The following ROBO1 variants were observed in gnomAD, a reference collection of about 807,000 sequenced individuals.
The protein encoded by ROBO1 is roundabout homolog 1.
In ROBO1, 149 loss-of-function variants were observed where a neutral mutation model predicts 195.9. The ratio of observed to expected loss-of-function variants is 0.76; its 90% CI spans 0.67 to 0.87. ROBO1 has a LOEUF of 0.87. Ranked by LOEUF, ROBO1 falls within the 40% of genes least tolerant of loss-of-function variation. ROBO1 has a pLI of 0.00. For missense variants in ROBO1, 1,933 were observed against 2,068.3 expected, an observed-to-expected ratio of 0.93 and a Z score of 1.27; for synonymous variants, 816 against 733.2, an observed-to-expected ratio of 1.11 and a Z score of -1.82.
intron 3 of ROBO1, among the ~76,000 whole-genome samples, chr3:79,033,493 A>T (rs985306661): frequency 3.3e-5 from 5 of 152,184 alleles, no homozygotes; most frequent in African/African-American, 1.2e-4. Flanking sequence ...TTTAATGAAA[A>T]CAAAAGTGAT....
At chr3:79,639,307 C>A (rs963010782) in intron 1 of ROBO1, among the ~76,000 whole-genome samples, 1 of 152,076 alleles carries the variant, frequency 6.6e-6, no homozygotes, top group Non-Finnish European at 1.5e-5. Flanking sequence ...CAAAATATAT[C>A]TTGATACATT....
intron 2 of ROBO1, among the ~76,000 whole-genome samples, chr3:79,424,310 C>A (rs906459565): frequency 6.6e-6 from 1 of 152,210 alleles, no homozygotes; most frequent in African/African-American, 2.4e-5. Flanking sequence ...TAGCTCTACA[C>A]ATAATCAAAC....
chr3:78,938,301 A>T, intron 4 of ROBO1: 1 of 316,274 alleles, frequency 3.2e-6, no homozygotes. Flanking sequence ...CCTATTCAAT[A>T]TCTTTAAAGG....
At chr3:79,661,360 G>A (rs549395134) in intron 1 of ROBO1, among the ~76,000 whole-genome samples, 4 of 152,100 alleles carry the variant, frequency 2.6e-5, no homozygotes, top group African/African-American at 7.2e-5. Context: ...CTGACTCAGG[G>A]TCAGCTTCCG....
At chr3:79,144,791 T>C (rs1239576667) in intron 2 of ROBO1, among the ~76,000 whole-genome samples, 1 of 151,978 alleles carries the variant, frequency 6.6e-6, no homozygotes, top group Non-Finnish European at 1.5e-5. Context: ...AAGCCAAAAA[T>C]AATAATCATT....
intron 2 of ROBO1, among the ~76,000 whole-genome samples, chr3:79,346,319 G>T (rs1368891089): frequency 1.3e-5 from 2 of 152,002 alleles, no homozygotes; most frequent in African/African-American, 2.4e-5. Flanking sequence ...GAACTAAGGG[G>T]CTTTCTAAAT....
chr3:79,176,484 ATCTC>A (rs1410949870), intron 2 of ROBO1, among the ~76,000 whole-genome samples: 2 of 152,068 alleles, frequency 1.3e-5, no homozygotes, highest in South Asian at 2.1e-4. Flanking sequence ...TTGAGATGGA[ATCTC>A]TCTCTGTCAC....
intron 3 of ROBO1, among the ~76,000 whole-genome samples, chr3:78,983,440 C>T (rs2077040727): frequency 6.6e-6 from 1 of 152,322 alleles, no homozygotes; most frequent in East Asian, 1.9e-4. Flanking sequence ...CCCTCGAAGA[C>T]GTTTAAAGAA....
chr3:78,936,976 G>A (rs577617740), intron 4 of ROBO1, among the ~76,000 whole-genome samples: 4 of 152,230 alleles, frequency 2.6e-5, no homozygotes, highest in Admixed American at 1.3e-4. Flanking sequence ...TAAGTTCATT[G>A]TTAGTTAACT....
intron 1 of ROBO1, among the ~76,000 whole-genome samples, chr3:79,681,857 CAG>C (rs993432636): frequency 5.3e-4 from 81 of 152,032 alleles, no homozygotes; most frequent in African/African-American, 1.9e-3. Flanking sequence ...TCATCAGAAA[CAG>C]TACGTAATAT....
intron 2 of ROBO1, among the ~76,000 whole-genome samples, chr3:79,163,598 T>G (rs2081011655): frequency 1.3e-5 from 2 of 152,154 alleles, no homozygotes; most frequent in African/African-American, 4.8e-5. Flanking sequence ...TTTGTGGAAC[T>G]GCCATACTGT....
intron 4 of ROBO1, among the ~76,000 whole-genome samples, chr3:78,755,198 G>C (rs2082897724): frequency 6.6e-6 from 1 of 152,176 alleles, no homozygotes; most frequent in South Asian, 2.1e-4. Context: ...GGCCAGGTGT[G>C]GTGGCTCAGC....
At chr3:78,797,499 C>T (rs1036654083) in intron 4 of ROBO1, among the ~76,000 whole-genome samples, 3 of 152,114 alleles carry the variant, frequency 2.0e-5, no homozygotes, top group Non-Finnish European at 2.9e-5. Flanking sequence ...ATAGCTGTAC[C>T]TTAGCTAGCC....
At chr3:78,714,285 C>A in intron 8 of ROBO1, 112 bp downstream of exon 8, 1 of 1,033,290 alleles carries the variant, frequency 9.7e-7, no homozygotes, top group Non-Finnish European at 1.3e-6. Flanking sequence ...TTATTTAGAG[C>A]AATACTTAAA....
rs1167482550 is a variant in ROBO1 at position 79,412,874 on chromosome 3, ATTTTTTTTTTTTTT to A, written c.88+176936_88+176949del. ...AATGATTTTATTGCCTCATGAGCTGATTTTTTTTTTTTTTTTTTTTTTTTTTTTTTTTTTTAGTA... is the reference window on the plus strand; with the variant it reads ...AATGATTTTATTGCCTCATGAGCTGATTTTTTTTTTTTTTTTTTTTTAGTA... On this transcript the variant is annotated intron_variant, in intron 2 of 30. Coordinates refer to ENST00000464233, the MANE Select transcript of ROBO1 (RefSeq NM_002941.4). 9.4e-4 allele frequency among the ~76,000 whole-genome samples: 36 copies of A among 38,348 alleles called. 1 individual carries two copies. The highest frequency in any genetic ancestry group is 3.7e-3 in the African/African-American group (30 of 8,186). 25.2% of individuals were successfully genotyped at this position (38,348 alleles called of 152,430 possible). A position where few individuals can be genotyped will look rare whatever the true frequency, so the allele number is the denominator to read the frequency against.
At chr3:79,320,014 A>G (rs2033908558) in intron 2 of ROBO1, among the ~76,000 whole-genome samples, 1 of 152,226 alleles carries the variant, frequency 6.6e-6, no homozygotes, top group African/African-American at 2.4e-5. Context: ...TGGAATAGTC[A>G]ATCAATTTCA....
chr3:78,661,398 G>T, intron 15 of ROBO1, 137 bp from the exon 16 acceptor site: 1 of 482,300 alleles, frequency 2.1e-6, no homozygotes, highest in East Asian at 3.2e-5. Context: ...AAATGTGTAA[G>T]AATTAGAAAG....
At chr3:79,731,085 A>T (rs112113214) in intron 1 of ROBO1, among the ~76,000 whole-genome samples, 304 of 152,260 alleles carry the variant, frequency 2.0e-3, no homozygotes, top group African/African-American at 6.9e-3. Flanking sequence ...ACTTGCTAGA[A>T]GGGTGATTTT....
At chr3:79,489,651 C>CAA (rs11328226) in intron 2 of ROBO1, among the ~76,000 whole-genome samples, 10 of 88,796 alleles carry the variant, frequency 1.1e-4, no homozygotes, top group African/African-American at 2.8e-4. Flanking sequence ...GACTTCATCT[C>CAA]AAAAAAAAAA....
Sources: allele counts gnomAD v4.1 joint callset (sites outside exome capture counted in the v4.1 genomes callset), GRCh38; gene constraint gnomAD v4.1.1; transcripts MANE v1.5; gene names NCBI Gene and HGNC (gene_info 2026-07-23, HGNC 2026-07-21).